PRKDC: variants seen among roughly 807,000 people sequenced by gnomAD.
PRKDC encodes the protein DNA-dependent protein kinase catalytic subunit.
A neutral mutation model predicts 486.9 loss-of-function variants in PRKDC; 82 were observed. That is an observed-to-expected ratio of 0.17 (90% confidence interval 0.14 to 0.20). The LOEUF (loss-of-function observed/expected upper bound fraction) is 0.20. PRKDC is among the 10% of genes least tolerant of loss of function. The pLI is 1.00. For missense variants in PRKDC, 4,504 were observed against 5,038.2 expected (o/e 0.89, Z 3.21); for synonymous variants, 1,895 against 1,837.0 (o/e 1.03, Z -0.81).
chr8:47,792,179 G>C (rs1004343844), intron 74 of PRKDC, among the ~76,000 whole-genome samples: 7 of 151,664 alleles, frequency 4.6e-5, no homozygotes, highest in African/African-American at 1.7e-4. Context: ...AGCGGGGATG[G>C]TTAATGGGCA....
chr8:47,920,338 C>G (rs770181725), intron 21 of PRKDC, among the ~76,000 whole-genome samples: 2 of 152,174 alleles, frequency 1.3e-5, no homozygotes, highest in African/African-American at 2.4e-5. Context: ...AATTGCAGAA[C>G]TGAAACTATT....
chr8:47,861,032 G>A, intron 44 of PRKDC, 61 bp from the exon 45 acceptor site: 1 of 1,134,212 alleles, frequency 8.8e-7, no homozygotes, highest in East Asian at 2.8e-5. Context: ...TACTTTTTCT[G>A]TTTTAGTAGC....
chr8:47,819,927 T>C (rs1275773173), intron 66 of PRKDC, among the ~76,000 whole-genome samples: 1 of 152,224 alleles, frequency 6.6e-6, no homozygotes, highest in Non-Finnish European at 1.5e-5. Context: ...CTATGCTAAA[T>C]GTCACTAACC....
chr8:47,931,763 T>A (rs2154503605), intron 16 of PRKDC, among the ~76,000 whole-genome samples: 1 of 152,338 alleles, frequency 6.6e-6, no homozygotes, highest in East Asian at 1.9e-4. Flanking sequence ...AAACAATCAC[T>A]GCAGTCGAAA....
intron 7 of PRKDC, among the ~76,000 whole-genome samples, chr8:47,945,025 G>A (rs1168430281): frequency 1.3e-5 from 2 of 152,234 alleles, no homozygotes; most frequent in African/African-American, 4.8e-5. Flanking sequence ...AAGACTGAAA[G>A]AATAGGTACT....
At chr8:47,783,857 C>A in intron 77 of PRKDC, 48 bp from the exon 78 acceptor site, 1 of 1,571,418 alleles carries the variant, frequency 6.4e-7, no homozygotes, top group African/African-American at 1.3e-5. Context: ...TAGACAACCG[C>A]CTGTATTTTA....
intron 54 of PRKDC, among the ~76,000 whole-genome samples, chr8:47,841,897 T>G (rs551201101): frequency 7.2e-4 from 109 of 152,328 alleles, no homozygotes; most frequent in African/African-American, 2.5e-3. Flanking sequence ...GAACGTGAAC[T>G]GGGCAGTCCC....
chr8:47,912,425 C>G lies in PRKDC; in HGVS notation c.2919G>C (p.Ala973=), dbSNP rs372912665. Residue 973 remains alanine, a synonymous_variant, in exon 25 of 86, where the codon GCG becomes GCC. Coordinates refer to ENST00000314191, the MANE Select transcript of PRKDC (RefSeq NM_006904.7). ...AAGCCCTTACCTGATCAACATCACA[C>G]GCAAGTCGAAGCAGCACAGGAAACG... ...KRTFPVLLRL[A]CDVDQVTRQL... is the part of the protein sequence containing the mutation. 5.0e-6 allele frequency: 8 copies of G among 1,590,842 alleles called. No individual in the cohort carries two copies. Among genetic ancestry groups the G allele is most frequent in the South Asian group, 2.3e-5 (2 of 87,728 alleles).
intron 33 of PRKDC, 63 bp downstream of exon 33, chr8:47,888,951 G>A (rs1184899402): frequency 2.8e-5 from 42 of 1,501,766 alleles, no homozygotes; most frequent in Middle Eastern, 4.1e-4. Flanking sequence ...GCAGGAGCAC[G>A]GCAACATACT....
At chr8:47,866,156 C>CAAAA (rs766279016) in intron 40 of PRKDC, among the ~76,000 whole-genome samples, 4 of 52,310 alleles carry the variant, frequency 7.6e-5, no homozygotes, top group African/African-American at 1.2e-4. Flanking sequence ...AACTCCGTCG[C>CAAAA]AAAAAAAAAA....
intron 40 of PRKDC, among the ~76,000 whole-genome samples, chr8:47,868,281 G>A (rs1210274819): frequency 6.6e-6 from 1 of 151,932 alleles, no homozygotes; most frequent in East Asian, 1.9e-4. Flanking sequence ...TTTAATTCCG[G>A]GTATGGCGGC....
chr8:47,894,099 G>A (rs1455477890), intron 30 of PRKDC, among the ~76,000 whole-genome samples: 1 of 152,076 alleles, frequency 6.6e-6, no homozygotes, highest in Admixed American at 6.6e-5. Flanking sequence ...TGGCCAACAT[G>A]GTGAAACCCC....
intron 67 of PRKDC, among the ~76,000 whole-genome samples, chr8:47,818,465 G>C (rs2087502364): frequency 6.6e-6 from 1 of 151,236 alleles, no homozygotes; most frequent in African/African-American, 2.4e-5. Flanking sequence ...TATAGTCCCA[G>C]CTACTTGGGA....
Position 47,897,191 on chromosome 8 carries a change from G to A in PRKDC, c.3568C>T (p.Leu1190Phe), listed in dbSNP as rs34598508. The stretch of plus-strand genomic sequence containing the variant: ...AATAAAGGAACGAATTTATAAAAGA[G>A]TTCAATGGATTTGTGTCGACATTCT... Reference protein sequence around the residue: ...QTECRHKSIELFYKFVPLLPG... With the variant: ...QTECRHKSIEFFYKFVPLLPG... Residue 1190 changes from leucine (L) to phenylalanine (F), a missense_variant, in exon 30 of 86, where the codon CTC (leucine) becomes TTC (phenylalanine). This residue lies in a region of PRKDC where 1,969 missense variants were observed against 2,068.9 expected (regional missense o/e 0.95). Coordinates refer to ENST00000314191, the MANE Select transcript of PRKDC (RefSeq NM_006904.7). 1.9e-6 allele frequency: 3 copies of A among 1,604,394 alleles called. No individual in the cohort carries two copies. Among genetic ancestry groups the A allele is most frequent in the Admixed American group, 3.3e-5 (2 of 59,866 alleles).
At chr8:47,930,876 G>A (rs2090238868) in intron 16 of PRKDC, 89 bp from the exon 17 acceptor site, 5 of 1,241,248 alleles carry the variant, frequency 4.0e-6, no homozygotes, top group Non-Finnish European at 5.6e-6. Flanking sequence ...CATGGTCAAG[G>A]CCTGATGCTA....
In PRKDC at chr8:47,782,380, G is replaced by A; in HGVS notation, c.11394C>T (p.Ser3798=). The A allele has an allele frequency of 6.2e-7, 1 of 1,605,764 alleles. No homozygotes were observed. Among genetic ancestry groups the A allele is most frequent in the South Asian group, 1.1e-5 (1 of 90,028 alleles). The part of the protein sequence containing the change: ...LRTYSVVPMT[S]RLGLIEWLEN... ...GCTGGGAGCAGCCTGGCAGTTACCT[G>A]GAGGTCATGGGCACAACGCTATAGG... The change falls in exon 79 of 86, where the codon TCC becomes TCT. Residue 3798 remains serine (S), a splice_region_variant and synonymous_variant. Coordinates refer to ENST00000314191, the MANE Select transcript of PRKDC (RefSeq NM_006904.7). This position sits in a 1 kb window ranked among gnomAD's most constrained non-coding sequence, Gnocchi z 4.9.
At chr8:47,952,821 T>A (rs1489691871) in intron 7 of PRKDC, among the ~76,000 whole-genome samples, 1 of 151,320 alleles carries the variant, frequency 6.6e-6, no homozygotes, top group Non-Finnish European at 1.5e-5. Context: ...CTGGCCAACA[T>A]GGTGAAACCC....
intron 36 of PRKDC, among the ~76,000 whole-genome samples, chr8:47,882,357 A>G (rs1242897446): frequency 6.6e-6 from 1 of 152,204 alleles, no homozygotes; most frequent in Non-Finnish European, 1.5e-5. Flanking sequence ...CAGTCTAGGA[A>G]AAAGGAGTCA....
At chr8:47,816,954 T>C (rs2087460228) in intron 68 of PRKDC, among the ~76,000 whole-genome samples, 1 of 152,142 alleles carries the variant, frequency 6.6e-6, no homozygotes, top group East Asian at 1.9e-4. Context: ...GGTTAGTACC[T>C]GCCCTATGGA....
Sources: allele counts gnomAD v4.1 joint callset (sites outside exome capture counted in the v4.1 genomes callset), GRCh38; gene constraint gnomAD v4.1.1; regional missense constraint gnomAD v4.1.1; non-coding constraint Gnocchi (gnomAD v3.1); transcripts MANE v1.5; gene names NCBI Gene and HGNC (gene_info 2026-07-23, HGNC 2026-07-21).